Variants in MKLN1 observed in about 807,000 individuals in gnomAD.
The protein encoded by MKLN1 is muskelin.
In MKLN1, 18 loss-of-function variants were observed where a neutral mutation model predicts 99.0. The observed-to-expected ratio is 0.18, with a 90% CI of 0.13 to 0.27. The LOEUF (loss-of-function observed/expected upper bound fraction) is 0.27. Among genes scored for constraint, MKLN1 ranks in the 10% least tolerant of loss-of-function variants. The pLI is 1.00. For missense variants in MKLN1, 621 were observed against 875.9 expected, an observed-to-expected ratio of 0.71 and a Z score of 3.67; for synonymous variants, 288 against 293.2, an observed-to-expected ratio of 0.98 and a Z score of 0.18.
In MKLN1 at chr7:131,447,766, A is replaced by G. The variant is rs1796057173; in HGVS notation, c.1525+1863A>G. Among the ~76,000 whole-genome samples the G allele has an allele frequency of 3.3e-5, 5 of 152,024 alleles. No individual in the cohort carries two copies. In the South Asian group the frequency reaches 1.0e-3, roughly 31 times the overall value. ...TGTATTCCCATGGATAATAATTACTACTCTTTATTTAGACCCTACCATATA... is the reference window on the plus strand; with the variant it reads ...TGTATTCCCATGGATAATAATTACTGCTCTTTATTTAGACCCTACCATATA... On this transcript the variant is annotated intron_variant, in intron 12 of 17. Transcript: ENST00000352689.
rs1157525626 is a variant in MKLN1 at position 131,203,206 on chromosome 7, T to C, written c.-179+232T>C. ...CGAGCACTGTATTTTTAGGCAGGAG[T>C]GGGAGGTATTTTGATTTCAGTGGCA... On this transcript the variant is annotated intron_variant, in intron 3 of 7. Transcript: ENST00000416992. Among the ~76,000 whole-genome samples the C allele has an allele frequency of 2.0e-5, 3 of 152,176 alleles. No individual in the cohort carries two copies. In the East Asian group the frequency reaches 5.8e-4, roughly 29 times the overall value.
At chr7:131,396,836 A>G (rs549546929) in intron 4 of MKLN1, among the ~76,000 whole-genome samples, 1 of 152,260 alleles carries the variant, frequency 6.6e-6, no homozygotes, top group South Asian at 2.1e-4. Context: ...ATATGTATTC[A>G]TAGCTGTGAT....
chr7:131,379,509 A>G (rs1793773520), intron 2 of MKLN1, among the ~76,000 whole-genome samples: 1 of 152,202 alleles, frequency 6.6e-6, no homozygotes, highest in South Asian at 2.1e-4. Context: ...AATAAAAGTC[A>G]GTTTTGACAA....
chr7:131,312,077 C>T (rs977143222), intron 3 of MKLN1, among the ~76,000 whole-genome samples: 12 of 151,982 alleles, frequency 7.9e-5, no homozygotes, highest in Non-Finnish European at 1.5e-5. Context: ...GGCTGGAGTG[C>T]AATGACCTGA....
chr7:131,406,603 T>C (rs1794715669), intron 6 of MKLN1, among the ~76,000 whole-genome samples: 3 of 152,042 alleles, frequency 2.0e-5, no homozygotes, highest in African/African-American at 7.2e-5. Context: ...TGTTTGCGTC[T>C]TTAATCTTAT....
chr7:131,263,346 T>TAATAATAATAATAATAATAA (rs1554544033), intron 3 of MKLN1, among the ~76,000 whole-genome samples: 2 of 128,134 alleles, frequency 1.6e-5, no homozygotes, highest in Non-Finnish European at 3.3e-5. Flanking sequence ...TCTACAATTA[T>TAATAATAATAATAATAATAA]TAATAATAAT....
intron 4 of MKLN1, among the ~76,000 whole-genome samples, chr7:131,392,685 A>G (rs569918194): frequency 6.6e-6 from 1 of 151,450 alleles, no homozygotes; most frequent in South Asian, 2.1e-4. Flanking sequence ...GCTCACCACA[A>G]CTTCCTGCCT....
chr7:131,280,808 C>A (rs1282545316), intron 3 of MKLN1, among the ~76,000 whole-genome samples: 2 of 152,060 alleles, frequency 1.3e-5, no homozygotes, highest in African/African-American at 2.4e-5. Context: ...ACCACCACAC[C>A]CAGCTAATTT....
intron 12 of MKLN1, among the ~76,000 whole-genome samples, chr7:131,451,273 A>G (rs1012143279): frequency 2.0e-5 from 3 of 152,122 alleles, no homozygotes; most frequent in Admixed American, 1.3e-4. Flanking sequence ...ATTTTTTACT[A>G]CAGTTAATTA....
chr7:131,193,159 C>T (rs569580734), intron 2 of MKLN1, among the ~76,000 whole-genome samples: 1 of 152,138 alleles, frequency 6.6e-6, no homozygotes, highest in African/African-American at 2.4e-5. Flanking sequence ...TAATATTTTC[C>T]CTTGCAAAAA....
At chr7:131,403,807 T>C (rs1794621898) in intron 6 of MKLN1, among the ~76,000 whole-genome samples, 1 of 152,118 alleles carries the variant, frequency 6.6e-6, no homozygotes, top group South Asian at 2.1e-4. Context: ...TCACTGATCA[T>C]AGGTCACTGT....
chr7:131,385,810 A>G (rs1445915772), intron 2 of MKLN1, among the ~76,000 whole-genome samples: 1 of 152,090 alleles, frequency 6.6e-6, no homozygotes, highest in East Asian at 1.9e-4. Context: ...ATTTTCTCCC[A>G]TTCTATAGGG....
intron 2 of MKLN1, chr7:131,142,979 G>A (rs771545670): frequency 1.1e-4 from 136 of 1,276,250 alleles, no homozygotes; most frequent in Admixed American, 2.1e-4. Context: ...TTCTTTAGTT[G>A]TCAAAAAAGT....
At chr7:131,291,764 C>T (rs1206413325) in intron 3 of MKLN1, among the ~76,000 whole-genome samples, 2 of 42,102 alleles carry the variant, frequency 4.8e-5, no homozygotes, top group African/African-American at 2.1e-4. Flanking sequence ...GGAGTAGTCA[C>T]ATTAAAAAAA....
intron 3 of MKLN1, among the ~76,000 whole-genome samples, chr7:131,214,342 T>A (rs1241513320): frequency 6.6e-6 from 1 of 152,160 alleles, no homozygotes; most frequent in East Asian, 1.9e-4. Flanking sequence ...TAAGTGGAAT[T>A]GTGCTAGAGT....
At chr7:131,288,979 A>G (rs6949258) in intron 3 of MKLN1, among the ~76,000 whole-genome samples, 10,072 of 152,116 alleles carry the variant, frequency 0.066, 379 homozygotes, top group East Asian at 0.15. Flanking sequence ...CTTCTTTTAA[A>G]AAAAAAAATT....
intron 3 of MKLN1, among the ~76,000 whole-genome samples, chr7:131,245,460 G>A (rs572812071): frequency 6.6e-6 from 1 of 152,174 alleles, no homozygotes; most frequent in East Asian, 1.9e-4. Context: ...TAGAGATGGG[G>A]TTTCACCACA....
intron 11 of MKLN1, 50 bp from the exon 12 acceptor site, chr7:131,445,724 T>A: frequency 1.3e-6 from 2 of 1,500,422 alleles, no homozygotes; most frequent in Non-Finnish European, 9.0e-7. Flanking sequence ...TCTGAGTTCT[T>A]CATGGAAGTG....
At chr7:131,236,701 G>A (rs886182780) in intron 3 of MKLN1, among the ~76,000 whole-genome samples, 1 of 152,114 alleles carries the variant, frequency 6.6e-6, no homozygotes, top group African/African-American at 2.4e-5. Flanking sequence ...AGAGGGCCGG[G>A]TGTGATGGTG....
Sources: allele counts gnomAD v4.1 joint callset (sites outside exome capture counted in the v4.1 genomes callset), GRCh38; gene constraint gnomAD v4.1.1; transcripts MANE v1.5; gene names NCBI Gene and HGNC (gene_info 2026-07-23, HGNC 2026-07-21).